RBPJL: variants seen among roughly 807,000 people sequenced by gnomAD.
RBPJL encodes recombining binding protein suppressor of hairless-like protein.
A neutral mutation model predicts 57.6 loss-of-function variants in RBPJL; 50 were observed. The ratio of observed to expected loss-of-function variants is 0.87; its 90% CI spans 0.69 to 1.10. The LOEUF is 1.10. Ranked by LOEUF, RBPJL falls within the 50% of genes least tolerant of loss-of-function variation. The pLI, the probability that RBPJL is intolerant of heterozygous loss-of-function variation, is 0.00. For synonymous variants in RBPJL, 303 were observed against 294.4 expected (o/e 1.03, Z -0.30); for missense variants, 684 against 693.7 (o/e 0.99, Z 0.16).
chr20:45,307,000 C>A lies in RBPJL; in HGVS notation c.22+56C>A, dbSNP rs867575973. The A allele has an allele frequency of 1.3e-5, 13 of 1,022,184 alleles. No individual in the cohort carries two copies. In the Middle Eastern group the frequency reaches 1.1e-3, roughly 90 times the overall value. 63.3% of individuals were successfully genotyped at this position (1,022,184 alleles called of 1,614,324 possible). On this transcript the variant is annotated intron_variant, in intron 1 of 11. Transcript: ENST00000343694. ...ACGCCCCGTGAGAACTACGAAGGAC[C>A]ACCCCCCCACCCCCTCCCCACTATA... is the stretch of plus-strand genomic sequence containing the variant.
rs184055637 is a variant in RBPJL, at chr20:45,310,300, G to A, written c.257+608G>A. Reference sequence around the variant, plus strand: ...AGACAGGAGAATATCTGGGGAAAGCGTGCTACAATTAGAAGGAACAGAAGG... The same window carrying A: ...AGACAGGAGAATATCTGGGGAAAGCATGCTACAATTAGAAGGAACAGAAGG... On this transcript the variant is annotated intron_variant, in intron 3 of 11. Coordinates refer to ENST00000343694, the MANE Select transcript of RBPJL (RefSeq NM_014276.4). Among the ~76,000 whole-genome samples, 7 of 152,200 alleles carry A rather than the reference G, an allele frequency of 4.6e-5. No individual in the cohort carries two copies. The East Asian group carries it at 7.7e-4, about 17-fold the overall frequency.
rs773418023 is a variant in RBPJL, at chr20:45,316,697, C to T, written c.1292C>T (p.Ser431Phe). 6.2e-7 allele frequency: 1 copy of T among 1,605,728 alleles called. No homozygotes were observed. The highest frequency in any genetic ancestry group is 8.5e-7 in the Non-Finnish European group (1 of 1,175,852). The change falls in exon 12 of 12, where the codon TCC becomes TTC. Residue 431 changes from serine (S) to phenylalanine (F), a missense_variant. Physicochemically the swap from Ser to Phe is radical, Grantham distance 155. Transcript: ENST00000343694. ...TGCTCCACCCCCAGGAGCCCGCGGT[C>T]CCTGGTGTGCGTGGTGCCGGACGTG... The part of the protein sequence containing the change: ...EAETMYRSPR[S>F]LVCVVPDVAA...
At chr20:45,313,186 G>A (rs1017865498) in intron 6 of RBPJL, among the ~76,000 whole-genome samples, 3 of 152,090 alleles carry the variant, frequency 2.0e-5, no homozygotes, top group African/African-American at 7.3e-5. Flanking sequence ...CACAGGGACA[G>A]AAGATTGGAA....
chr20:45,307,398 C>T (rs988948631), intron 1 of RBPJL, among the ~76,000 whole-genome samples: 7 of 152,128 alleles, frequency 4.6e-5, no homozygotes, highest in African/African-American at 1.4e-4. Flanking sequence ...GAACATAAAT[C>T]CTCTGGCAGG....
intron 3 of RBPJL, among the ~76,000 whole-genome samples, chr20:45,309,962 CTGAG>C (rs1451981559): frequency 2.6e-5 from 4 of 152,320 alleles, no homozygotes; most frequent in South Asian, 2.1e-4. Flanking sequence ...CAACTACTTA[CTGAG>C]TGTTTGTCAT....
intron 6 of RBPJL, 91 bp from the exon 7 acceptor site, chr20:45,313,377 T>A: frequency 1.9e-6 from 2 of 1,069,948 alleles, no homozygotes; most frequent in Non-Finnish European, 2.6e-6. Context: ...ACCCTCACCC[T>A]AACCCTAACC....
Position 45,312,247 on chromosome 20 carries a change from C to T in RBPJL, c.471C>T (p.Tyr157=), listed in dbSNP as rs1987215587. 5 of 1,614,246 alleles carry T rather than the reference C, an allele frequency of 3.1e-6. No individual in the cohort carries two copies. Among genetic ancestry groups the T allele is most frequent in the South Asian group, 2.2e-5 (2 of 91,092 alleles). The part of the protein sequence containing the change: ...SREFGCAKTL[Y]ISDADKRKHF... ...AATTCGGCTGCGCCAAGACCCTGTA[C>T]ATCTCAGATGCAGACAAGAGGAAGC... is the stretch of plus-strand genomic sequence containing the variant. Residue 157 remains tyrosine, a synonymous_variant, in exon 6 of 12, where the codon TAC becomes TAT. Transcript: ENST00000343694.
At chr20:45,311,030 T>C (rs1987135944) in intron 3 of RBPJL, among the ~76,000 whole-genome samples, 2 of 148,906 alleles carry the variant, frequency 1.3e-5, no homozygotes, top group South Asian at 4.3e-4. Flanking sequence ...GGAGGATCAG[T>C]TGGGGAGGCA....
chr20:45,315,851 A>AAGGGAAAGAAAGAAAAGGAAGG (rs1987432938), intron 9 of RBPJL: 1 of 246,522 alleles, frequency 4.1e-6, no homozygotes, highest in African/African-American at 2.2e-5. Flanking sequence ...GAAAAAGAGA[A>AAGGGAAAGAAAGAAAAGGAAGG]AGGGAAAGAA....
At chr20:45,316,125 G>C (rs1987451595) in intron 9 of RBPJL, 62 bp from the exon 10 acceptor site, 2 of 1,551,092 alleles carry the variant, frequency 1.3e-6, no homozygotes, top group South Asian at 1.1e-5. Flanking sequence ...CGCCATGCTG[G>C]CTCCCTACAC....
Position 45,317,301 on chromosome 20 carries a change from T to C in RBPJL, c.*342T>C, listed in dbSNP as rs1373901933. ...CTATGTGCGTGTCCCTATCCTTCTG[T>C]CCTTTTCTCTCTTCAGCTCTCCCTG... On this transcript the variant is annotated 3_prime_UTR_variant, in exon 12 of 12. Coordinates refer to ENST00000343694, the MANE Select transcript of RBPJL (RefSeq NM_014276.4). 3.2e-6 allele frequency: 1 copy of C among 311,806 alleles called. No individual in the cohort carries two copies. The highest frequency in any genetic ancestry group is 2.2e-5 in the African/African-American group (1 of 46,476). The allele number at this position is 311,806 out of a possible 1,614,324, so 19.3% of individuals were successfully genotyped here. A position where few individuals can be genotyped will look rare whatever the true frequency, so the allele number is the denominator to read the frequency against.
chr20:45,314,496 T>C lies in RBPJL; in HGVS notation c.951T>C (p.Phe317=). 1 of 1,614,194 alleles carries C rather than the reference T, an allele frequency of 6.2e-7. No individual in the cohort carries two copies. Among genetic ancestry groups the C allele is most frequent in the Non-Finnish European group, 8.5e-7 (1 of 1,180,032 alleles). The change falls in exon 9 of 12, where the codon TTT becomes TTC. Residue 317 remains phenylalanine (F), a synonymous_variant. Coordinates refer to ENST00000343694, the MANE Select transcript of RBPJL (RefSeq NM_014276.4). ...ISQLHKCAFQ[F]PGSPPGGGGT... is the part of the protein sequence containing the mutation. ...AGCTGCACAAGTGTGCATTCCAGTT[T>C]CCAGGCAGTCCCCCAGGAGGGGGTG...
intron 9 of RBPJL, among the ~76,000 whole-genome samples, chr20:45,315,486 G>A (rs1427240702): frequency 1.3e-5 from 2 of 151,964 alleles, no homozygotes; most frequent in Non-Finnish European, 2.9e-5. Context: ...CATGCCTGTA[G>A]TCACAATACT....
chr20:45,309,945 C>T (rs951914478), intron 3 of RBPJL, among the ~76,000 whole-genome samples: 1 of 152,214 alleles, frequency 6.6e-6, no homozygotes, highest in Admixed American at 6.5e-5. Flanking sequence ...CTTATTCATT[C>T]ATTCAACAAC....
At chr20:45,312,141 C>T in intron 5 of RBPJL, 80 bp from the exon 6 acceptor site, 2 of 1,593,932 alleles carry the variant, frequency 1.3e-6, no homozygotes. Flanking sequence ...ACGGGGCGGA[C>T]GTCCGATATC....
Position 45,313,453 on chromosome 20 carries a change from C to T in RBPJL, c.620-15C>T, listed in dbSNP as rs761488782. ...ACCCTCACCCTCACCCTAACCCTGA[C>T]CCTCACCCTCACAGTGTGCATATCC... On this transcript the variant is annotated splice_polypyrimidine_tract_variant and intron_variant, in intron 6 of 11. Transcript: ENST00000343694. The T allele has an allele frequency of 6.2e-7, 1 of 1,604,012 alleles. No homozygotes were observed. The highest frequency in any genetic ancestry group is 1.7e-5 in the Admixed American group (1 of 59,286).
rs59554717 is a variant in RBPJL at position 45,315,960 on chromosome 20, AAAGAAAGAAGAAAG to A, written c.1021-213_1021-200del. ...GAAGGAAGGAAGGAAAATAAAGAAA[AAAGAAAGAAGAAAG>A]AAGAAAGAAGAAATCAGCTAGCTCA... On this transcript the variant is annotated intron_variant, in intron 9 of 11. Transcript: ENST00000343694. 1.0e-5 allele frequency: 4 copies of A among 400,332 alleles called. No homozygotes were observed. The Admixed American group carries it at 1.3e-4, about 13-fold the overall frequency. 24.8% of individuals were successfully genotyped at this position (400,332 alleles called of 1,614,324 possible).
intron 9 of RBPJL, 122 bp from the exon 10 acceptor site, chr20:45,316,065 C>T: frequency 1.1e-6 from 1 of 891,634 alleles, no homozygotes; most frequent in East Asian, 2.6e-5. Flanking sequence ...GACAAGTGAA[C>T]CCCAGAGCCT....
chr20:45,310,581 T>TG (rs1417599156), intron 3 of RBPJL, among the ~76,000 whole-genome samples: 3 of 151,074 alleles, frequency 2.0e-5, no homozygotes, highest in South Asian at 4.2e-4. Flanking sequence ...CACTCCAGCC[T>TG]GGCGACAGAG....
Sources: allele counts gnomAD v4.1 joint callset (sites outside exome capture counted in the v4.1 genomes callset), GRCh38; gene constraint gnomAD v4.1.1; transcripts MANE v1.5; gene names NCBI Gene and HGNC (gene_info 2026-07-23, HGNC 2026-07-21).